Variants in SRGAP3 observed in about 807,000 individuals in gnomAD.
SRGAP3 encodes SLIT-ROBO Rho GTPase-activating protein 3.
Under a neutral mutation model 121.1 loss-of-function variants are expected in SRGAP3, and 39 were observed. The ratio of observed to expected loss-of-function variants is 0.32; its 90% CI spans 0.25 to 0.42. SRGAP3 has a LOEUF of 0.42. Among genes scored for constraint, SRGAP3 ranks in the 10% least tolerant of loss-of-function variants. The pLI, the probability that SRGAP3 is intolerant of heterozygous loss-of-function variation, is 1.00. For synonymous variants in SRGAP3, 601 were observed against 570.0 expected, an observed-to-expected ratio of 1.05 and a Z score of -0.77; for missense variants, 1,213 against 1,470.6, an observed-to-expected ratio of 0.82 and a Z score of 2.86.
At chr3:9,348,451 C>T in intron 1 of SRGAP3, 1 of 663,956 alleles carries the variant, frequency 1.5e-6, no homozygotes, top group Non-Finnish European at 2.8e-6. Flanking sequence ...CCATGGCTGC[C>T]TACAAATTGG....
chr3:9,093,136 A>G (rs1044165689), intron 3 of SRGAP3, among the ~76,000 whole-genome samples: 2 of 152,084 alleles, frequency 1.3e-5, no homozygotes, highest in African/African-American at 2.4e-5. Flanking sequence ...TCTCTACATT[A>G]TCTTCAGGAT....
rs1418396762 is a variant in SRGAP3, at chr3:9,053,019, C to A, written c.1323+8G>T. 2.5e-6 allele frequency: 4 copies of A among 1,613,360 alleles called. No homozygotes were observed. The highest frequency in any genetic ancestry group is 2.5e-6 in the Non-Finnish European group (3 of 1,180,020). ...ACAGTGTGGTTCTGGGCCCAGGATGCCACTTACTGTAAAATAAAACATTTC... is the reference window on the plus strand; with the variant it reads ...ACAGTGTGGTTCTGGGCCCAGGATGACACTTACTGTAAAATAAAACATTTC... On this transcript the variant is annotated splice_region_variant and intron_variant, in intron 9 of 21. Coordinates refer to ENST00000383836, the MANE Select transcript of SRGAP3 (RefSeq NM_014850.4).
chr3:9,046,836 CT>C (rs71049765), intron 10 of SRGAP3, among the ~76,000 whole-genome samples: 32 of 146,286 alleles, frequency 2.2e-4, no homozygotes, highest in Admixed American at 2.7e-4. Flanking sequence ...CTTTTCTTTT[CT>C]TTTTTTTTTT....
At chr3:9,020,729 G>C (rs1378073644) in intron 14 of SRGAP3, among the ~76,000 whole-genome samples, 2 of 152,192 alleles carry the variant, frequency 1.3e-5, no homozygotes, top group Non-Finnish European at 2.9e-5. Context: ...AAGCTAGTCA[G>C]TTTTGGCTCT....
chr3:9,149,277 T>G (rs531895425), intron 1 of SRGAP3, among the ~76,000 whole-genome samples: 1 of 150,908 alleles, frequency 6.6e-6, no homozygotes, highest in Non-Finnish European at 1.5e-5. Flanking sequence ...ATCTGGCACA[T>G]GTGTCTTCCC....
At chr3:9,348,162 A>G (rs1317856187) in intron 1 of SRGAP3, among the ~76,000 whole-genome samples, 3 of 152,170 alleles carry the variant, frequency 2.0e-5, no homozygotes, top group Non-Finnish European at 4.4e-5. Flanking sequence ...TATGAATCAC[A>G]AATAGTTACA....
At chr3:9,215,198 T>G (rs1232755610) in intron 1 of SRGAP3, among the ~76,000 whole-genome samples, 1 of 152,202 alleles carries the variant, frequency 6.6e-6, no homozygotes, top group Non-Finnish European at 1.5e-5. Context: ...CTCTTCCCAC[T>G]CCAGCCTCCT....
intron 1 of SRGAP3, among the ~76,000 whole-genome samples, chr3:9,158,058 C>T (rs1003731309): frequency 6.6e-6 from 1 of 152,176 alleles, no homozygotes; most frequent in African/African-American, 2.4e-5. Context: ...CCTGGCTGAG[C>T]CCACCAGGAC....
At chr3:9,126,100 G>A (rs1949216474) in intron 1 of SRGAP3, among the ~76,000 whole-genome samples, 1 of 152,114 alleles carries the variant, frequency 6.6e-6, no homozygotes, top group Non-Finnish European at 1.5e-5. Flanking sequence ...ACCCCACAGG[G>A]TATGCAAGCT....
intron 21 of SRGAP3, among the ~76,000 whole-genome samples, chr3:8,987,244 T>A (rs1574849131): frequency 6.6e-6 from 1 of 152,128 alleles, no homozygotes. Flanking sequence ...CTGGGATGCC[T>A]CCGCATCCGA....
intron 18 of SRGAP3, among the ~76,000 whole-genome samples, chr3:8,998,847 T>C (rs750108428): frequency 2.0e-5 from 3 of 152,168 alleles, no homozygotes; most frequent in African/African-American, 4.8e-5. Flanking sequence ...ACTACCCTCA[T>C]TTCATAGATG....
At chr3:9,027,566 C>T (rs1289786215) in intron 12 of SRGAP3, among the ~76,000 whole-genome samples, 1 of 152,192 alleles carries the variant, frequency 6.6e-6, no homozygotes, top group Admixed American at 6.5e-5. Context: ...AAACATGTCA[C>T]AGGGAAAAGC....
At chr3:9,072,754 G>C (rs942346722) in intron 4 of SRGAP3, among the ~76,000 whole-genome samples, 3 of 152,260 alleles carry the variant, frequency 2.0e-5, no homozygotes, top group South Asian at 4.1e-4. Flanking sequence ...ACTTGTGTTA[G>C]CAAGGTGACT....
At chr3:9,083,643 G>C (rs1022200999) in intron 3 of SRGAP3, among the ~76,000 whole-genome samples, 1 of 152,152 alleles carries the variant, frequency 6.6e-6, no homozygotes, top group African/African-American at 2.4e-5. Flanking sequence ...TATTTACATT[G>C]CCTCCAGCAT....
chr3:9,037,974 T>C, intron 11 of SRGAP3, 89 bp downstream of exon 11: 2 of 1,569,656 alleles, frequency 1.3e-6, no homozygotes, highest in Non-Finnish European at 1.8e-6. Context: ...CCATCCCTGC[T>C]TCTCCAGCTC....
intron 1 of SRGAP3, among the ~76,000 whole-genome samples, chr3:9,352,280 T>TC (rs1462758083): frequency 1.3e-5 from 2 of 150,528 alleles, no homozygotes; most frequent in East Asian, 3.9e-4. Context: ...CATTTTTTTT[T>TC]TTTTTTTTTT....
At chr3:9,122,820 G>A (rs965540544) in intron 2 of SRGAP3, among the ~76,000 whole-genome samples, 1 of 152,102 alleles carries the variant, frequency 6.6e-6, no homozygotes, top group African/African-American at 2.4e-5. Flanking sequence ...GCACATAAGT[G>A]AGTGTTCAAA....
Position 8,985,812 on chromosome 3 carries a change from C to T in SRGAP3, c.3007G>A (p.Gly1003Ser). 3 of 1,600,480 alleles carry T rather than the reference C, an allele frequency of 1.9e-6. No individual in the cohort carries two copies. The highest frequency in any genetic ancestry group is 2.5e-6 in the Non-Finnish European group (3 of 1,179,884). The change falls in exon 22 of 22, where the codon GGC becomes AGC. Residue 1003 changes from glycine (G) to serine (S), a missense_variant. Gly to Ser is a moderately conservative substitution (Grantham distance 56). Coordinates refer to ENST00000383836, the MANE Select transcript of SRGAP3 (RefSeq NM_014850.4). This position sits in a 1 kb window ranked among gnomAD's most constrained non-coding sequence, Gnocchi z 5.1. ...CTGGCGGGCTCCGAGCTGACGGGGC[C>T]TGGCGGGTTCTTCAGGGGCTCCAGG... ...DTLEPLKNPP[G>S]PVSSEPASPL...
intron 1 of SRGAP3, among the ~76,000 whole-genome samples, chr3:9,240,280 C>A (rs900344337): frequency 6.6e-6 from 1 of 152,136 alleles, no homozygotes; most frequent in Non-Finnish European, 1.5e-5. Flanking sequence ...CACCAACAAG[C>A]CATCAGGAAT....
Sources: gnomAD v4.1 joint callset for allele counts (sites outside exome capture counted in the v4.1 genomes callset) on GRCh38, gnomAD v4.1.1 for gene constraint, Gnocchi (gnomAD v3.1) non-coding constraint, MANE v1.5 for transcripts, NCBI Gene and HGNC (gene_info 2026-07-23, HGNC 2026-07-21) for gene names.